The following USH2A variants were observed in gnomAD, a reference collection of about 807,000 sequenced individuals.
USH2A encodes the protein usherin.
USH2A carries 443 observed loss-of-function variants against 538.9 expected under a neutral mutation model. That is an observed-to-expected ratio of 0.82 (90% CI 0.76 to 0.89). USH2A has a LOEUF of 0.89. Among genes scored for constraint, USH2A ranks in the 40% least tolerant of loss-of-function variants. The pLI, the probability that USH2A is intolerant of heterozygous loss-of-function variation, is 0.00. For missense variants in USH2A, 6,633 were observed against 6,324.8 expected (o/e 1.05, Z -1.65); for synonymous variants, 2,413 against 2,273.5 (o/e 1.06, Z -1.75).
Position 215,836,542 on chromosome 1 carries a change from A to AAT in USH2A, c.9371+1447_9371+1448dup, listed in dbSNP as rs1299488683. On this transcript the variant is annotated intron_variant, in intron 47 of 71. Transcript: ENST00000307340. ...TAATATATATTATATATATATATAT[A>AAT]ATATATATATATATATATATATATT... 5.1e-3 allele frequency among the ~76,000 whole-genome samples: 90 copies of AAT among 17,756 alleles called. 2 individuals carry two copies. The highest frequency in any genetic ancestry group is 0.023 in the East Asian group (3 of 130). 11.6% of individuals were successfully genotyped at this position (17,756 alleles called of 152,430 possible). A position where few individuals can be genotyped will look rare whatever the true frequency, so the allele number is the denominator to read the frequency against.
chr1:215,727,271 A>C (rs34333607), intron 61 of USH2A, among the ~76,000 whole-genome samples: 12 of 152,094 alleles, frequency 7.9e-5, no homozygotes, highest in Non-Finnish European at 1.5e-4. Context: ...ACATATATAC[A>C]TATACATATA....
At chr1:216,147,823 C>T (rs1289598019) in intron 21 of USH2A, among the ~76,000 whole-genome samples, 9 of 149,882 alleles carry the variant, frequency 6.0e-5, no homozygotes, top group East Asian at 4.0e-4. Context: ...GCTTGCTACA[C>T]GTGCTGGAAA....
intron 38 of USH2A, among the ~76,000 whole-genome samples, chr1:215,914,526 CAT>C (rs1040183068): frequency 1.3e-4 from 20 of 152,096 alleles, no homozygotes; most frequent in African/African-American, 4.6e-4. Context: ...ACAACATTGA[CAT>C]AGTTGTCTTA....
chr1:216,421,271 T>A (rs1011563603), intron 2 of USH2A, among the ~76,000 whole-genome samples: 2 of 152,066 alleles, frequency 1.3e-5, no homozygotes, highest in Non-Finnish European at 2.9e-5. Flanking sequence ...AATTGGAAAA[T>A]GAAAATACCA....
intron 11 of USH2A, among the ~76,000 whole-genome samples, chr1:216,277,202 G>A (rs1165683190): frequency 6.6e-6 from 1 of 152,000 alleles, no homozygotes; most frequent in Non-Finnish European, 1.5e-5. Context: ...TGCAATTAAT[G>A]CTCTTTATGC....
Position 216,173,133 on chromosome 1 carries a change from C to T in USH2A, c.4627+2119G>A, listed in dbSNP as rs548751689. ...TGTAAGATGCTAATTATATGCTTAC[C>T]TCTCTATTTAGGAAAGATGCAAGTT... On this transcript the variant is annotated intron_variant, in intron 21 of 71. Coordinates refer to ENST00000307340, the MANE Select transcript of USH2A (RefSeq NM_206933.4). Among the ~76,000 whole-genome samples, 8 of 152,140 alleles carry T rather than the reference C, an allele frequency of 5.3e-5. No homozygotes were observed. In the South Asian group the frequency reaches 1.2e-3, roughly 24 times the overall value.
At chr1:215,660,587 C>A (rs568531174) in intron 64 of USH2A, among the ~76,000 whole-genome samples, 2 of 152,254 alleles carry the variant, frequency 1.3e-5, no homozygotes, top group East Asian at 3.9e-4. Flanking sequence ...AAAAGCCTGG[C>A]TTTTCAAAAA....
intron 61 of USH2A, among the ~76,000 whole-genome samples, chr1:215,703,452 G>A (rs564794303): frequency 2.0e-5 from 3 of 152,164 alleles, no homozygotes; most frequent in South Asian, 4.1e-4. Context: ...CAGGGAGATG[G>A]GAGTTTTTCT....
intron 3 of USH2A, among the ~76,000 whole-genome samples, chr1:216,399,569 TAGG>T (rs1187775548): frequency 6.6e-6 from 1 of 152,060 alleles, no homozygotes; most frequent in Admixed American, 6.5e-5. Flanking sequence ...AATAAGGTGA[TAGG>T]AGGAGGGTTA....
chr1:215,886,348 G>A (rs1463419560), intron 41 of USH2A, among the ~76,000 whole-genome samples: 1 of 152,072 alleles, frequency 6.6e-6, no homozygotes, highest in Non-Finnish European at 1.5e-5. Flanking sequence ...GCTATATCAC[G>A]AGAACGTCCA....
intron 71 of USH2A, 134 bp downstream of exon 71, chr1:215,628,680 G>A: frequency 1.1e-6 from 1 of 892,388 alleles, no homozygotes; most frequent in Non-Finnish European, 1.9e-6. Context: ...TAGTAAACCG[G>A]TTGTTACTAC....
At position 215,637,085 on chromosome 1, in the gene USH2A, C is replaced by A. The variant is rs540562043; in HGVS notation, c.15052+2070G>T. Among the ~76,000 whole-genome samples the A allele has an allele frequency of 3.9e-5, 6 of 152,160 alleles. No homozygotes were observed. In the South Asian group the frequency reaches 8.3e-4, roughly 21 times the overall value. On this transcript the variant is annotated intron_variant, in intron 69 of 71. Coordinates refer to ENST00000307340, the MANE Select transcript of USH2A (RefSeq NM_206933.4). Reference sequence around the variant, plus strand: ...GGAGGTTCACTGTCAGGGTTTGAAACTCTGGTGGCTGGGCCTCAGATCCAA... The same window carrying A: ...GGAGGTTCACTGTCAGGGTTTGAAAATCTGGTGGCTGGGCCTCAGATCCAA...
chr1:215,650,694 A>G lies in USH2A; in HGVS notation c.14241T>C (p.Ser4747=). The G allele has an allele frequency of 6.2e-7, 1 of 1,614,048 alleles. No homozygotes were observed. The highest frequency in any genetic ancestry group is 8.5e-7 in the Non-Finnish European group (1 of 1,180,006). ...TGATGTTGACCACTGCTTGGGTAGA[A>G]GAGATCACATGGAACGTGGGGGCTC... The part of the protein sequence containing the change: ...GLRAPTFHVI[S]STQAVVNISA... Residue 4747 remains serine (S), a synonymous_variant, in exon 65 of 72, where the codon TCT becomes TCC. Coordinates refer to ENST00000307340, the MANE Select transcript of USH2A (RefSeq NM_206933.4).
chr1:215,825,509 T>C (rs1254410495), intron 47 of USH2A, among the ~76,000 whole-genome samples: 1 of 152,214 alleles, frequency 6.6e-6, no homozygotes, highest in Non-Finnish European at 1.5e-5. Context: ...TACTATTCTT[T>C]AACATTTCAT....
intron 22 of USH2A, among the ~76,000 whole-genome samples, chr1:216,089,404 T>G (rs1331050523): frequency 6.6e-6 from 1 of 152,116 alleles, no homozygotes; most frequent in Admixed American, 6.5e-5. Context: ...CAAAGTCACT[T>G]GCATTTTCTG....
rs1169218240 is a variant in USH2A at position 215,813,844 on chromosome 1, A to G, written c.9631T>C (p.Tyr3211His). The change falls in exon 49 of 72, where the codon TAT becomes CAT. Residue 3211 changes from tyrosine to histidine, a missense_variant. Transcript: ENST00000307340. ...GTAGAATTCAGAACAAACGGGATAT[A>G]CTTTTCTTCACAACAGCGATGTCCA... is the stretch of plus-strand genomic sequence containing the variant. ...KPGHRCCEEK[Y>H]IPFVLNSTGV... 6.2e-7 allele frequency: 1 copy of G among 1,613,830 alleles called. No individual in the cohort carries two copies. The highest frequency in any genetic ancestry group is 8.5e-7 in the Non-Finnish European group (1 of 1,179,880).
At chr1:216,145,223 C>A (rs2033673087) in intron 21 of USH2A, among the ~76,000 whole-genome samples, 1 of 152,140 alleles carries the variant, frequency 6.6e-6, no homozygotes, top group African/African-American at 2.4e-5. Context: ...ATTCCAATTC[C>A]AAATTCTCAT....
intron 11 of USH2A, among the ~76,000 whole-genome samples, chr1:216,279,317 A>T (rs1286359481): frequency 1.3e-5 from 2 of 152,162 alleles, no homozygotes; most frequent in East Asian, 1.9e-4. Context: ...TTCAAGCCTA[A>T]CTTAATTTGG....
chr1:215,640,797 C>G, intron 67 of USH2A, 63 bp from the exon 68 acceptor site: 1 of 1,045,532 alleles, frequency 9.6e-7, no homozygotes, highest in Non-Finnish European at 1.4e-6. Context: ...CAGGTGTGCA[C>G]TTTAAAAAAA....
Sources: gnomAD v4.1 joint callset for allele counts (sites outside exome capture counted in the v4.1 genomes callset) on GRCh38, gnomAD v4.1.1 for gene constraint, MANE v1.5 for transcripts, NCBI Gene and HGNC (gene_info 2026-07-23, HGNC 2026-07-21) for gene names.